The following PALM2AKAP2 variants were observed in gnomAD, a reference collection of about 807,000 sequenced individuals.
The protein encoded by PALM2AKAP2 is PALM2 and AKAP2 fusion.
Under a neutral mutation model 71.5 loss-of-function variants are expected in PALM2AKAP2, and 37 were observed. That is an observed-to-expected ratio of 0.52 (90% confidence interval 0.40 to 0.68). The LOEUF is 0.68. Among genes scored for constraint, PALM2AKAP2 ranks in the 30% least tolerant of loss-of-function variants. The pLI is 0.00. For missense variants in PALM2AKAP2, 1,224 were observed against 1,191.8 expected (o/e 1.03, Z -0.40); for synonymous variants, 468 against 478.8 (o/e 0.98, Z 0.29).
At chr9:109,676,935 C>T (rs978648232) in intron 1 of PALM2AKAP2, among the ~76,000 whole-genome samples, 14 of 152,058 alleles carry the variant, frequency 9.2e-5, no homozygotes, top group African/African-American at 3.4e-4. Flanking sequence ...GTTATTTAGT[C>T]ATTGATTATC....
intron 3 of PALM2AKAP2, among the ~76,000 whole-genome samples, chr9:109,903,580 C>A (rs1319765932): frequency 6.6e-6 from 1 of 152,178 alleles, no homozygotes; most frequent in Non-Finnish European, 1.5e-5. Flanking sequence ...AACAAGGGAA[C>A]AAGGAGTTCA....
At chr9:109,685,616 T>TA (rs1827796423) in intron 1 of PALM2AKAP2, among the ~76,000 whole-genome samples, 3 of 152,154 alleles carry the variant, frequency 2.0e-5, no homozygotes, top group African/African-American at 4.8e-5. Flanking sequence ...TACCTTAATT[T>TA]AAAAAATACT....
chr9:109,851,209 C>CAAAAAAAA (rs56938333), intron 1 of PALM2AKAP2, among the ~76,000 whole-genome samples: 1 of 144,902 alleles, frequency 6.9e-6, no homozygotes, highest in African/African-American at 2.6e-5. Flanking sequence ...ACAACAACAA[C>CAAAAAAAA]AAAAAAAAAA....
At chr9:110,136,286 ACCT>A (rs1232979151) in exon 2 of PALM2AKAP2, 6 of 1,614,058 alleles carry the variant, frequency 3.7e-6, no homozygotes, top group Non-Finnish European at 5.1e-6. Flanking sequence ...TCCTGGAATC[ACCT>A]CTACCCCACA....
intron 6 of PALM2AKAP2, among the ~76,000 whole-genome samples, chr9:109,939,086 G>A (rs1041623330): frequency 6.6e-6 from 1 of 151,938 alleles, no homozygotes; most frequent in Non-Finnish European, 1.5e-5. Context: ...TCTCCACTAA[G>A]TAATAATTCT....
intron 1 of PALM2AKAP2, among the ~76,000 whole-genome samples, chr9:109,842,795 A>G (rs770961654): frequency 6.6e-5 from 10 of 152,048 alleles, no homozygotes; most frequent in Non-Finnish European, 1.5e-4. Flanking sequence ...TGGGAGGATC[A>G]CTTGAGGCCA....
chr9:109,842,805 A>G (rs1009126040), intron 1 of PALM2AKAP2, among the ~76,000 whole-genome samples: 5 of 152,102 alleles, frequency 3.3e-5, no homozygotes, highest in Non-Finnish European at 5.9e-5. Context: ...ACTTGAGGCC[A>G]GGAATTTGCA....
intron 3 of PALM2AKAP2, among the ~76,000 whole-genome samples, chr9:109,916,857 T>C (rs541101858): frequency 1.3e-5 from 2 of 152,336 alleles, no homozygotes; most frequent in South Asian, 4.2e-4. Context: ...CCTGTGGACA[T>C]AGGATTACTG....
At chr9:109,664,078 G>T (rs144516089) in intron 1 of PALM2AKAP2, among the ~76,000 whole-genome samples, 10 of 152,250 alleles carry the variant, frequency 6.6e-5, no homozygotes, top group African/African-American at 1.9e-4. Flanking sequence ...GAGCCTGTGT[G>T]TGTCTTTGCA....
At chr9:109,880,795 T>C in intron 3 of PALM2AKAP2, 114 bp downstream of exon 3, 4 of 1,405,682 alleles carry the variant, frequency 2.8e-6, no homozygotes, top group South Asian at 3.3e-5. Flanking sequence ...CTTGAGAATT[T>C]TCTTCCTAAA....
chr9:110,052,123 C>T (rs931037545), intron 1 of PALM2AKAP2, among the ~76,000 whole-genome samples: 1 of 152,098 alleles, frequency 6.6e-6, no homozygotes, highest in Non-Finnish European at 1.5e-5. Context: ...AGGATGATCT[C>T]GATCTCCTGA....
chr9:109,654,878 C>A (rs1311320547), intron 1 of PALM2AKAP2, among the ~76,000 whole-genome samples: 2 of 151,854 alleles, frequency 1.3e-5, no homozygotes, highest in African/African-American at 4.8e-5. Context: ...CTTTTCTTTC[C>A]CCATTCAACC....
At chr9:109,778,088 C>G (rs1215647026), upstream of PALM2AKAP2, among the ~76,000 whole-genome samples, 1 of 152,212 alleles carries the variant, frequency 6.6e-6, no homozygotes, top group East Asian at 1.9e-4. Context: ...ATTTCAACCA[C>G]TTTTAAGCAT....
intron 3 of PALM2AKAP2, among the ~76,000 whole-genome samples, chr9:109,919,525 C>T (rs761559451): frequency 3.9e-5 from 6 of 152,024 alleles, no homozygotes; most frequent in Non-Finnish European, 8.8e-5. Flanking sequence ...TGCCCTGTTT[C>T]CCTCCAGATT....
chr9:110,030,185 G>C (rs1833255321), intron 7 of PALM2AKAP2, among the ~76,000 whole-genome samples: 1 of 152,216 alleles, frequency 6.6e-6, no homozygotes, highest in African/African-American at 2.4e-5. Flanking sequence ...AACGGAGATA[G>C]GAAGTGTGGA....
intron 7 of PALM2AKAP2, among the ~76,000 whole-genome samples, chr9:110,027,820 A>G (rs1440338573): frequency 6.6e-6 from 1 of 152,162 alleles, no homozygotes; most frequent in Non-Finnish European, 1.5e-5. Flanking sequence ...TTAAAAAAAC[A>G]TTCTGCTGAA....
upstream of PALM2AKAP2, among the ~76,000 whole-genome samples, chr9:110,043,801 GCCTTGACCTCCTGGGT>G (rs1411176648): frequency 7.3e-6 from 1 of 136,346 alleles, no homozygotes; most frequent in African/African-American, 2.8e-5. Flanking sequence ...GCTAACTGTA[GCCTTGACCTCCTGGGT>G]CCAAGCAATC....
chr9:110,016,187 G>A (rs569088685), intron 7 of PALM2AKAP2, 148 bp downstream of exon 7: 19 of 745,508 alleles, frequency 2.5e-5, no homozygotes, highest in Non-Finnish European at 3.5e-5. Flanking sequence ...GGAGGCAACC[G>A]TACATAAGAT....
intron 7 of PALM2AKAP2, among the ~76,000 whole-genome samples, chr9:110,035,492 AACATATATATG>A: frequency 7.0e-6 from 1 of 143,102 alleles, no homozygotes; most frequent in South Asian, 2.2e-4. Flanking sequence ...TGTTATATAT[AACATATATATG>A]ATATGTTGTG....
Sources: gnomAD v4.1 joint callset for allele counts (sites outside exome capture counted in the v4.1 genomes callset) on GRCh38, gnomAD v4.1.1 for gene constraint, MANE v1.5 for transcripts, NCBI Gene and HGNC (gene_info 2026-07-23, HGNC 2026-07-21) for gene names.